Variants in FUT8 observed in about 807,000 individuals in gnomAD.
The protein encoded by FUT8 is alpha-(1,6)-fucosyltransferase.
In FUT8, 29 loss-of-function variants were observed where a neutral mutation model predicts 71.3. The observed-to-expected ratio is 0.41, with a 90% CI of 0.30 to 0.55. The LOEUF (loss-of-function observed/expected upper bound fraction) is 0.55, where lower values mean the gene tolerates loss of function less well. Among genes scored for constraint, FUT8 ranks in the 20% least tolerant of loss-of-function variants. FUT8 has a pLI of 0.34. For missense variants in FUT8, 544 were observed against 702.1 expected (o/e 0.77, Z 2.55); for synonymous variants, 254 against 239.3 (o/e 1.06, Z -0.57).
rs1351918738 is a variant in FUT8 at position 65,574,317 on chromosome 14, T to C, written c.203+12551T>C. On this transcript the variant is annotated intron_variant, in intron 3 of 10. Transcript: ENST00000673929. The surrounding 1 kb of genome is among the most constrained non-coding windows in gnomAD (Gnocchi z 5.2). ...ATTCCATCATCTTTGCAATATTCTA[T>C]TGATTAGAGCAAATCACAGGTCCCA... Among the ~76,000 whole-genome samples, 1 of 152,134 alleles carries C rather than the reference T, an allele frequency of 6.6e-6. No individual in the cohort carries two copies. The highest frequency in any genetic ancestry group is 1.5e-5 in the Non-Finnish European group (1 of 68,018).
chr14:65,402,370 A>T, the FUT8 span, among the ~76,000 whole-genome samples: 2 of 143,182 alleles, frequency 1.4e-5, no homozygotes, highest in East Asian at 4.0e-4. Context: ...CCAGCTAATT[A>T]AAAAAAAAAA....
Position 65,721,794 on chromosome 14 carries a change from T to C in FUT8, c.855T>C (p.Asn285=). ...TGTCAGGTGAAGTGAAGGACAAAAA[T>C]GTTCAAGTGGTCGAGCTTCCCATTG... ...GHWSGEVKDK[N]VQVVELPIVD... The change falls in exon 8 of 11, where the codon AAT becomes AAC. Residue 285 remains asparagine (N), a synonymous_variant. Coordinates refer to ENST00000673929, the MANE Select transcript of FUT8 (RefSeq NM_001371533.1). 6.2e-7 allele frequency: 1 copy of C among 1,614,170 alleles called. No homozygotes were observed. The highest frequency in any genetic ancestry group is 8.5e-7 in the Non-Finnish European group (1 of 1,179,994).
At chr14:65,718,372 G>A (rs983607803) in intron 7 of FUT8, among the ~76,000 whole-genome samples, 1 of 152,046 alleles carries the variant, frequency 6.6e-6, no homozygotes, top group Non-Finnish European at 1.5e-5. Flanking sequence ...TCTGTACTTT[G>A]TCCCCCCAAC....
the FUT8 span, among the ~76,000 whole-genome samples, chr14:65,368,928 G>A: frequency 2.0e-5 from 3 of 152,158 alleles, no homozygotes; most frequent in East Asian, 5.8e-4. Flanking sequence ...CCAAAGTGTT[G>A]GGATTACAGG....
intron 2 of FUT8, among the ~76,000 whole-genome samples, chr14:65,534,470 T>G (rs968185682): frequency 1.3e-5 from 2 of 151,818 alleles, no homozygotes; most frequent in African/African-American, 2.4e-5. Context: ...TGTAATAGTT[T>G]TAGTAGGTAT....
intron 6 of FUT8, among the ~76,000 whole-genome samples, chr14:65,668,720 C>T (rs1892333893): frequency 6.6e-6 from 1 of 152,098 alleles, no homozygotes; most frequent in Non-Finnish European, 1.5e-5. Context: ...TATAAAGACA[C>T]ATGCAATTAA....
At position 65,643,665 on chromosome 14, in the gene FUT8, TACACACACACACACAC is replaced by T. The variant is rs60967671; in HGVS notation, c.597+14094_597+14109del. On this transcript the variant is annotated intron_variant, in intron 6 of 10. Transcript: ENST00000673929. The surrounding 1 kb of genome is among the most constrained non-coding windows in gnomAD (Gnocchi z 4.5). The stretch of plus-strand genomic sequence containing the variant: ...CGAGACTCCGTCTTTAAAAAAAAAA[TACACACACACACACAC>T]ACACACACACACACACACACACACA... Among the ~76,000 whole-genome samples the T allele has an allele frequency of 7.5e-3, 936 of 124,734 alleles. 7 individuals carry two copies. Among genetic ancestry groups the T allele is most frequent in the African/African-American group, 0.023 (734 of 31,254 alleles). 81.8% of individuals were successfully genotyped at this position (124,734 alleles called of 152,430 possible).
rs116572451 is a variant in FUT8, at chr14:65,635,097, C to T, written c.597+5491C>T. ...TATTTTATTTTATTTTTATTTTTTG[C>T]GGCTTTTATAAAAGGGGTTGAGTTC... On this transcript the variant is annotated intron_variant, in intron 6 of 10. Transcript: ENST00000673929. Among the ~76,000 whole-genome samples, 1,037 of 151,924 alleles carry T rather than the reference C, an allele frequency of 6.8e-3. 15 individuals carry two copies. The highest frequency in any genetic ancestry group is 0.023 in the African/African-American group (965 of 41,466).
intron 2 of FUT8, among the ~76,000 whole-genome samples, chr14:65,480,608 C>A (rs968257831): frequency 6.6e-6 from 1 of 150,964 alleles, no homozygotes; most frequent in African/African-American, 2.4e-5. Context: ...AGCCACGGTG[C>A]CTGGCACAAA....
chr14:65,698,065 A>G (rs1443435870), intron 7 of FUT8, among the ~76,000 whole-genome samples: 2 of 152,124 alleles, frequency 1.3e-5, no homozygotes, highest in African/African-American at 2.4e-5. Context: ...CTGTTATTAT[A>G]ATGTGTAGAA....
intron 1 of FUT8, among the ~76,000 whole-genome samples, chr14:65,441,751 CAAAAAAAAAAAAA>C (rs71126746): frequency 1.3e-4 from 9 of 69,464 alleles, no homozygotes; most frequent in Admixed American, 4.3e-4. Context: ...GATTCCATCT[CAAAAAAAAAAAAA>C]AAAAAAAAAA....
intron 2 of FUT8, among the ~76,000 whole-genome samples, chr14:65,473,820 G>C (rs1018071858): frequency 3.9e-5 from 6 of 152,164 alleles, no homozygotes; most frequent in Non-Finnish European, 8.8e-5. Flanking sequence ...AGTATGACTA[G>C]AGACTTCTAG....
rs1398158449 is a variant in FUT8, at chr14:65,561,444, A to G, written c.-120A>G. 5 of 857,430 alleles carry G rather than the reference A, an allele frequency of 5.8e-6. No homozygotes were observed. The East Asian group carries it at 1.2e-4, about 21-fold the overall frequency. The allele number at this position is 857,430 out of a possible 1,614,324, so 53.1% of individuals were successfully genotyped here. On this transcript the variant is annotated 5_prime_UTR_variant, in exon 3 of 11. Transcript: ENST00000673929. ...ACTACCAGAGAGAATAATTTGTCTG[A>G]AGCATCATGTGTTGAAACAACAGAA... is the stretch of plus-strand genomic sequence containing the variant.
chr14:65,369,374 G>T, the FUT8 span, among the ~76,000 whole-genome samples: 3 of 152,274 alleles, frequency 2.0e-5, no homozygotes, highest in East Asian at 5.8e-4. This position sits in a 1 kb window ranked among gnomAD's most constrained non-coding sequence, Gnocchi z 4.6. Flanking sequence ...TGTCTCTGCC[G>T]ACTTGTCAGA....
Position 65,669,630 on chromosome 14 carries a change from C to T in FUT8, c.835+150C>T. 9.3e-6 allele frequency: 5 copies of T among 535,376 alleles called. No individual in the cohort carries two copies. The highest frequency in any genetic ancestry group is 1.6e-5 in the Non-Finnish European group (5 of 306,342). 33.2% of individuals were successfully genotyped at this position (535,376 alleles called of 1,614,324 possible). ...ATTATCCAGATAAAATCTAGAAGAA[C>T]AGTATTTTATCTTAAAAGTATTTTA... On this transcript the variant is annotated intron_variant, in intron 7 of 10. Transcript: ENST00000673929. The surrounding 1 kb of genome is among the most constrained non-coding windows in gnomAD (Gnocchi z 4.5).
rs962759704 is a variant in FUT8, at chr14:65,607,998, G to C, written c.204-7980G>C. On this transcript the variant is annotated intron_variant, in intron 3 of 10. Coordinates refer to ENST00000673929, the MANE Select transcript of FUT8 (RefSeq NM_001371533.1). This position sits in a 1 kb window ranked among gnomAD's most constrained non-coding sequence, Gnocchi z 4.1. Reference sequence around the variant, plus strand: ...GAGAATCACTTGAACCCGGGAGGCAGAGGTTGCAGTGAGCCGAGATTGTGC... The same window carrying C: ...GAGAATCACTTGAACCCGGGAGGCACAGGTTGCAGTGAGCCGAGATTGTGC... 1.3e-5 allele frequency among the ~76,000 whole-genome samples: 2 copies of C among 149,198 alleles called. No homozygotes were observed. Among genetic ancestry groups the C allele is most frequent in the African/African-American group, 4.9e-5 (2 of 40,554 alleles).
chr14:65,642,464 G>A (rs780061619), intron 6 of FUT8, among the ~76,000 whole-genome samples: 16 of 151,996 alleles, frequency 1.1e-4, no homozygotes, highest in Admixed American at 5.2e-4. Flanking sequence ...TTAGCCAGGC[G>A]TGGTGGCGCA....
intron 2 of FUT8, among the ~76,000 whole-genome samples, chr14:65,528,569 C>G (rs1423322085): frequency 6.6e-6 from 1 of 152,152 alleles, no homozygotes; most frequent in East Asian, 1.9e-4. Flanking sequence ...CATCCACTGT[C>G]TGACAATCCC....
chr14:65,484,620 G>A (rs2066381469), intron 2 of FUT8, among the ~76,000 whole-genome samples: 1 of 152,032 alleles, frequency 6.6e-6, no homozygotes, highest in Non-Finnish European at 1.5e-5. Flanking sequence ...GCTTCAGGGA[G>A]CCAAGATCAT....
Sources: allele counts gnomAD v4.1 joint callset (sites outside exome capture counted in the v4.1 genomes callset), GRCh38; gene constraint gnomAD v4.1.1; non-coding constraint Gnocchi (gnomAD v3.1); transcripts MANE v1.5; gene names NCBI Gene and HGNC (gene_info 2026-07-23, HGNC 2026-07-21).